SPG11: variants seen among roughly 807,000 people sequenced by gnomAD.
SPG11 encodes the protein SPG11 vesicle trafficking associated, spatacsin, also known as spatacsin.
In SPG11, 222 loss-of-function variants were observed where a neutral mutation model predicts 274.0. That is an observed-to-expected ratio of 0.81 (90% confidence interval 0.73 to 0.91). SPG11 has a LOEUF of 0.91. Among genes scored for constraint, SPG11 ranks in the 40% least tolerant of loss-of-function variants. SPG11 has a pLI of 0.00. For synonymous variants in SPG11, 1,144 were observed against 1,039.7 expected (o/e 1.10, Z -1.93); for missense variants, 3,114 against 2,872.7 (o/e 1.08, Z -1.92).
chr15:44,589,192 A>G, intron 28 of SPG11, 60 bp downstream of exon 28: 2 of 1,574,368 alleles, frequency 1.3e-6, no homozygotes, highest in Non-Finnish European at 1.7e-6. Flanking sequence ...CCTCTAAAGT[A>G]TTTTCAAGAT....
At chr15:44,569,758 C>G (rs2082380577) in intron 34 of SPG11, among the ~76,000 whole-genome samples, 1 of 151,406 alleles carries the variant, frequency 6.6e-6, no homozygotes, top group African/African-American at 2.4e-5. Flanking sequence ...GCTCTGTCAC[C>G]CAGGCTGGAG....
intron 20 of SPG11, among the ~76,000 whole-genome samples, chr15:44,605,186 A>T (rs1378033145): frequency 1.3e-5 from 2 of 152,128 alleles, no homozygotes; most frequent in African/African-American, 2.4e-5. Flanking sequence ...CTCTCTAGTA[A>T]CTTCACTGAG....
intron 35 of SPG11, 104 bp downstream of exon 35, chr15:44,569,294 T>C (rs2082369404): frequency 1.1e-6 from 1 of 875,578 alleles, no homozygotes; most frequent in Non-Finnish European, 1.9e-6. Flanking sequence ...CTTCCCTCCA[T>C]TTTCCCAAGA....
intron 10 of SPG11, 24 bp downstream of exon 10, chr15:44,628,642 AAAG>A (rs1279834962): frequency 6.9e-6 from 11 of 1,598,840 alleles, no homozygotes; most frequent in Non-Finnish European, 9.4e-6. Context: ...CTGGCAAATA[AAAG>A]AAGTGATGAT....
Position 44,660,379 on chromosome 15 carries a change from C to T in SPG11, c.442+53G>A, listed in dbSNP as rs891843793. ...TGACTTTTCCTGAAGTATGTAACTA[C>T]ATGGTAATGTCACAAATTTAAATAT... On this transcript the variant is annotated intron_variant, in intron 2 of 39. Transcript: ENST00000261866. 5 of 1,525,840 alleles carry T rather than the reference C, an allele frequency of 3.3e-6. No individual in the cohort carries two copies. The Admixed American group carries it at 6.7e-5, about 20-fold the overall frequency. The allele number at this position is 1,525,840 out of a possible 1,614,324, so 94.5% of individuals were successfully genotyped here.
chr15:44,646,819 T>A (rs1454665703), intron 7 of SPG11, among the ~76,000 whole-genome samples: 3 of 152,060 alleles, frequency 2.0e-5, no homozygotes, highest in Non-Finnish European at 4.4e-5. Context: ...CACTGGGGCT[T>A]ACTTGAGGGT....
Position 44,659,079 on chromosome 15 carries a change from A to C in SPG11, c.667T>G (p.Tyr223Asp). The C allele has an allele frequency of 6.2e-7, 1 of 1,613,968 alleles. No homozygotes were observed. The highest frequency in any genetic ancestry group is 8.5e-7 in the Non-Finnish European group (1 of 1,179,824). The change falls in exon 3 of 40, where the codon TAC becomes GAC. Residue 223 changes from tyrosine (Y) to aspartate (D), a missense_variant and splice_region_variant. Tyr to Asp is a radical substitution (Grantham distance 160). Transcript: ENST00000261866. ...LFVLSSLGWIYIFDVVDGTYV... is the reference protein window; with the variant it reads ...LFVLSSLGWIDIFDVVDGTYV... ...TCAACACTTCTACCACCAAGGATAC[A>C]GATCCAGCCTAAACTACTCAAAACA...
At chr15:44,597,443 GAATAGCTAGCTTAGCATACTGGCAC>G (rs1343788178) in intron 23 of SPG11, among the ~76,000 whole-genome samples, 1 of 152,146 alleles carries the variant, frequency 6.6e-6, no homozygotes, top group African/African-American at 2.4e-5. Context: ...CCATAAGGCA[GAATAGCTAGCTTAGCATACTGGCAC>G]AATTCATTCC....
At chr15:44,585,895 C>T (rs761289111) in intron 28 of SPG11, 45 bp from the exon 29 acceptor site, 2 of 1,524,444 alleles carry the variant, frequency 1.3e-6, no homozygotes, top group Non-Finnish European at 1.8e-6. Context: ...CAATAAAATG[C>T]CACTACAGCA....
Position 44,656,777 on chromosome 15 carries a change from A to T in SPG11, c.869+318T>A, listed in dbSNP as rs140477562. ...ATAAACTCTATGGGAAACATGAGAA[A>T]ATTAGGGAAATAACATGTCTATACA... On this transcript the variant is annotated intron_variant, in intron 4 of 39. Transcript: ENST00000261866. Among the ~76,000 whole-genome samples the T allele has an allele frequency of 1.6e-4, 25 of 152,356 alleles. No individual in the cohort carries two copies. In the East Asian group the frequency reaches 4.2e-3, roughly 26 times the overall value.
intron 10 of SPG11, among the ~76,000 whole-genome samples, chr15:44,626,836 T>A (rs1008215846): frequency 1.3e-5 from 2 of 151,702 alleles, no homozygotes; most frequent in Admixed American, 1.3e-4. Context: ...CACATAGGCT[T>A]GCTAGTAGAA....
At chr15:44,621,499 T>C (rs1377858526) in intron 14 of SPG11, 1 of 442,670 alleles carries the variant, frequency 2.3e-6, no homozygotes, top group Non-Finnish European at 4.1e-6. Context: ...AAAAAACAGA[T>C]TGTCACTTTG....
intron 20 of SPG11, 134 bp from the exon 21 acceptor site, chr15:44,600,766 C>G: frequency 1.1e-6 from 1 of 927,176 alleles, no homozygotes; most frequent in Non-Finnish European, 1.7e-6. Context: ...TTTGAATCTA[C>G]CAAAATCTGA....
rs2083112636 is a variant in SPG11 at position 44,598,850 on chromosome 15, G to A, written c.3687-14C>T. The A allele has an allele frequency of 2.5e-6, 4 of 1,612,588 alleles. No homozygotes were observed. In the African/African-American group the frequency reaches 4.0e-5, roughly 16 times the overall value. ...ACTTGCTGGATCCTGAAAAAGAAAGGAATCAAAATCACATCAGCACATGAA... is the reference window on the plus strand; with the variant it reads ...ACTTGCTGGATCCTGAAAAAGAAAGAAATCAAAATCACATCAGCACATGAA... On this transcript the variant is annotated splice_polypyrimidine_tract_variant and intron_variant, in intron 21 of 39. Coordinates refer to ENST00000261866, the MANE Select transcript of SPG11 (RefSeq NM_025137.4).
chr15:44,563,178 A>G lies in SPG11; in HGVS notation c.7275T>C (p.Asn2425=), dbSNP rs778864726. The change falls in exon 40 of 40, where the codon AAT becomes AAC. Residue 2425 remains asparagine (N), a synonymous_variant. Coordinates refer to ENST00000261866, the MANE Select transcript of SPG11 (RefSeq NM_025137.4). Reference sequence around the variant, plus strand: ...CTGTCTGAGGGTCCTTCAGAAGCACATTTACAATTTCATAAAACTTGTGTT... The same window carrying G: ...CTGTCTGAGGGTCCTTCAGAAGCACGTTTACAATTTCATAAAACTTGTGTT... ...AYEHKFYEIV[N]VLLKDPQTGC... is the part of the protein sequence containing the mutation. 1.2e-6 allele frequency: 2 copies of G among 1,614,228 alleles called. No individual in the cohort carries two copies. The highest frequency in any genetic ancestry group is 1.7e-6 in the Non-Finnish European group (2 of 1,180,036).
chr15:44,564,205 C>G (rs2082262605), intron 39 of SPG11, among the ~76,000 whole-genome samples: 1 of 152,124 alleles, frequency 6.6e-6, no homozygotes. Flanking sequence ...GTTGGCAAGG[C>G]TGGTCTCAAA....
In SPG11 at chr15:44,564,629, G is replaced by C. The variant is rs139334167; in HGVS notation, c.7069C>G (p.Leu2357Val). The C allele has an allele frequency of 2.5e-6, 4 of 1,613,772 alleles. No homozygotes were observed. The South Asian group carries it at 4.4e-5, about 18-fold the overall frequency. The part of the protein sequence containing the change: ...WAEILYQQVI[L>V]KGDFNYLEEF... ...TCCAAGTAATTAAAGTCTCCTTTAA[G>C]AATCACTTGCTGGTATAAAATTTCA... Residue 2357 changes from leucine (L) to valine (V), a missense_variant, in exon 39 of 40, where the codon CTT (leucine) becomes GTT (valine). By Grantham distance (32) the Leu-to-Val change is conservative. Transcript: ENST00000261866.
At chr15:44,578,441 C>T (rs2082591455) in intron 30 of SPG11, among the ~76,000 whole-genome samples, 1 of 152,036 alleles carries the variant, frequency 6.6e-6, no homozygotes, top group Non-Finnish European at 1.5e-5. Context: ...TAGGAATAGT[C>T]AGGGTAGTGC....
At chr15:44,565,418 G>A (rs1363050282) in intron 38 of SPG11, among the ~76,000 whole-genome samples, 1 of 152,214 alleles carries the variant, frequency 6.6e-6, no homozygotes, top group East Asian at 1.9e-4. Context: ...AGAAGCCCTT[G>A]CATGTGCAGT....
Sources: allele counts gnomAD v4.1 joint callset (sites outside exome capture counted in the v4.1 genomes callset), GRCh38; gene constraint gnomAD v4.1.1; transcripts MANE v1.5; gene names NCBI Gene and HGNC (gene_info 2026-07-23, HGNC 2026-07-21).